Variants in FGD2 observed in about 807,000 individuals in gnomAD.
FGD2 encodes FYVE, RhoGEF and PH domain-containing protein 2.
Under a neutral mutation model 75.9 loss-of-function variants are expected in FGD2, and 52 were observed. That is an observed-to-expected ratio of 0.69 (90% CI 0.55 to 0.86). The LOEUF is 0.86. Ranked by LOEUF, FGD2 falls within the 40% of genes least tolerant of loss-of-function variation. The pLI, the probability that FGD2 is intolerant of heterozygous loss-of-function variation, is 0.00. For synonymous variants in FGD2, 347 were observed against 348.6 expected (o/e 1.00, Z 0.05); for missense variants, 790 against 872.0 (o/e 0.91, Z 1.18).
At position 37,027,912 on chromosome 6, in the gene FGD2, A is replaced by T. The variant is rs768199138; in HGVS notation, c.1753-36A>T. On this transcript the variant is annotated intron_variant, in intron 15 of 15. Transcript: ENST00000274963. The stretch of plus-strand genomic sequence containing the variant: ...GGCTATCTGGGGCAGTAGGACTGAG[A>T]GGGGACAGTGGCCCACTGCTCTCTC... 1.9e-6 allele frequency: 3 copies of T among 1,603,868 alleles called. 1 individual carries two copies. In the South Asian group the frequency reaches 3.3e-5, roughly 18 times the overall value.
At position 37,027,507 on chromosome 6, in the gene FGD2, G is replaced by A. The variant is rs1248808868; in HGVS notation, c.1684G>A (p.Gly562Ser). Residue 562 changes from glycine to serine, a missense_variant, in exon 15 of 16, where the codon GGC (glycine) becomes AGC (serine). Gly to Ser is a moderately conservative substitution (Grantham distance 56, BLOSUM62 0). Transcript: ENST00000274963. ...QLIGDKWGKS[G>S]PRGWCVIPRD... ...CATCGGGGACAAGTGGGGCAAGAGC[G>A]GCCCCCGGGGCTGGTGTGTGATCCC... is the stretch of plus-strand genomic sequence containing the variant. The A allele has an allele frequency of 7.4e-6, 12 of 1,613,978 alleles. No homozygotes were observed. The highest frequency in any genetic ancestry group is 1.3e-5 in the African/African-American group (1 of 74,938).
chr6:37,027,925 C>G, intron 15 of FGD2, 23 bp from the exon 16 acceptor site: 2 of 1,611,212 alleles, frequency 1.2e-6, no homozygotes, highest in Non-Finnish European at 1.7e-6. Flanking sequence ...GGACAGTGGC[C>G]CACTGCTCTC....
At chr6:37,006,010 C>T (rs1764731556) in intron 1 of FGD2, 125 bp downstream of exon 1, 7 of 1,067,148 alleles carry the variant, frequency 6.6e-6, no homozygotes, top group East Asian at 5.1e-5. Context: ...CCGCGTTCCT[C>T]GGTCACGGAT....
intron 13 of FGD2, chr6:37,023,639 G>A (rs1277876109): frequency 6.6e-6 from 1 of 152,224 alleles, no homozygotes; most frequent in Non-Finnish European, 1.5e-5. Context: ...CAGTCAGGGA[G>A]GTGTCCCCAA....
At position 37,028,124 on chromosome 6, in the gene FGD2, G is replaced by A. The variant is rs777282701; in HGVS notation, c.1929G>A (p.Trp643Ter). The change falls in exon 16 of 16, where the codon TGG becomes TGA. Residue 643 changes from tryptophan to a stop codon, truncating the protein, a stop_gained. Transcript: ENST00000274963. LOFTEE classifies it low-confidence loss of function (END_TRUNC). The part of the protein sequence containing the change: ...VKAMERAASG[W>*]SPSWPNDGDL... ...CCATGGAGCGGGCGGCCAGTGGCTG[G>A]AGCCCCAGCTGGCCCAACGATGGGG... 6.2e-7 allele frequency: 1 copy of A among 1,607,758 alleles called. No individual in the cohort carries two copies. Among genetic ancestry groups the A allele is most frequent in the Non-Finnish European group, 8.5e-7 (1 of 1,177,184 alleles).
intron 9 of FGD2, 148 bp downstream of exon 9, chr6:37,016,008 C>T (rs1047851323): frequency 1.3e-6 from 1 of 755,360 alleles, no homozygotes; most frequent in Non-Finnish European, 2.1e-6. Context: ...GTGTGGGGCT[C>T]TCCCCTCTGG....
chr6:37,013,471 C>G (rs1024772839), intron 4 of FGD2, 138 bp from the exon 5 acceptor site: 2 of 1,448,114 alleles, frequency 1.4e-6, no homozygotes, highest in Admixed American at 2.7e-5. Flanking sequence ...GAGGATGACA[C>G]CCCCGTACCC....
At chr6:37,016,534 ATTT>A (rs59713417) in intron 9 of FGD2, among the ~76,000 whole-genome samples, 6 of 136,750 alleles carry the variant, frequency 4.4e-5, no homozygotes, top group Non-Finnish European at 7.9e-5. Flanking sequence ...AATCTTCTGG[ATTT>A]TTTTTTTTTT....
At chr6:37,019,295 CA>C (rs1422638916) in intron 9 of FGD2, among the ~76,000 whole-genome samples, 2 of 152,202 alleles carry the variant, frequency 1.3e-5, no homozygotes, top group Non-Finnish European at 2.9e-5. Flanking sequence ...GGCTCTTTCC[CA>C]AATACCTCTT....
At chr6:37,011,922 C>A in intron 4 of FGD2, 68 bp downstream of exon 4, 5 of 1,556,558 alleles carry the variant, frequency 3.2e-6, no homozygotes, top group African/African-American at 1.4e-5. Context: ...GGGGAGACCC[C>A]AGGGCGCTAG....
At chr6:37,011,158 C>A in intron 3 of FGD2, 108 bp downstream of exon 3, 2 of 1,096,432 alleles carry the variant, frequency 1.8e-6, no homozygotes, top group Non-Finnish European at 2.7e-6. Context: ...GGAGCCCTGG[C>A]TTTGACTCCA....
At position 37,021,532 on chromosome 6, in the gene FGD2, C is replaced by A. The variant is rs143671027; in HGVS notation, c.1254C>A (p.Asp418Glu). ...SWMQAFQAAI[D>E]QIEKRNETFK... ...CCCAGGCCTTCCAAGCAGCCATTGA[C>A]CAAATCGAGAAGCGGAATGAAACCT... Residue 418 changes from aspartate to glutamate, a missense_variant, in exon 12 of 16, where the codon GAC becomes GAA. By Grantham distance (45) the Asp-to-Glu change is conservative. Coordinates refer to ENST00000274963, the MANE Select transcript of FGD2 (RefSeq NM_173558.4). 82 of 1,613,786 alleles carry A rather than the reference C, an allele frequency of 5.1e-5. No homozygotes were observed. The African/African-American group carries it at 7.3e-4, about 14-fold the overall frequency.
In FGD2 at chr6:37,021,597, A is replaced by G. The variant is rs1394101139; in HGVS notation, c.1319A>G (p.Glu440Gly). ...CAGGGGCCTGAGGGAGACATCCAGGAGCAGGAGGTAAATGAAGGCTTTTTC... is the reference window on the plus strand; with the variant it reads ...CAGGGGCCTGAGGGAGACATCCAGGGGCAGGAGGTAAATGAAGGCTTTTTC... ...AAQGPEGDIQ[E>G]QELQSEELGL... Residue 440 changes from glutamate to glycine, a missense_variant, in exon 12 of 16, where the codon GAG (glutamate) becomes GGG (glycine). Coordinates refer to ENST00000274963, the MANE Select transcript of FGD2 (RefSeq NM_173558.4). 6.2e-7 allele frequency: 1 copy of G among 1,613,732 alleles called. No homozygotes were observed. The highest frequency in any genetic ancestry group is 8.5e-7 in the Non-Finnish European group (1 of 1,179,784).
At chr6:37,020,302 A>G (rs1765512188) in intron 9 of FGD2, among the ~76,000 whole-genome samples, 1 of 130,940 alleles carries the variant, frequency 7.6e-6, no homozygotes. Context: ...ACACTGGGTC[A>G]ACTTAGCTGC....
chr6:37,010,696 G>T (rs1490661860), intron 2 of FGD2, among the ~76,000 whole-genome samples: 1 of 152,148 alleles, frequency 6.6e-6, no homozygotes, highest in East Asian at 1.9e-4. Flanking sequence ...TATCAGAGCT[G>T]CCAGACCCCT....
chr6:37,011,178 G>T (rs1753289), intron 3 of FGD2, 128 bp downstream of exon 3: 4 of 881,612 alleles, frequency 4.5e-6, no homozygotes, highest in Non-Finnish European at 7.3e-6. Context: ...AGGAAGCCTT[G>T]GCCCTTTAAC....
chr6:37,027,967 C>T lies in FGD2; in HGVS notation c.1772C>T (p.Ser591Phe). 1 of 1,614,042 alleles carries T rather than the reference C, an allele frequency of 6.2e-7. No individual in the cohort carries two copies. Among genetic ancestry groups the T allele is most frequent in the Non-Finnish European group, 8.5e-7 (1 of 1,180,000 alleles). Reference protein sequence around the residue: ...AAPQDMRAHTSIPLLGYQVTV... With the variant: ...AAPQDMRAHTFIPLLGYQVTV... ...CCCCAGGACATGAGGGCTCACACCT[C>T]CATCCCCCTGCTGGGCTACCAGGTG... Residue 591 changes from serine (S) to phenylalanine (F), a missense_variant, in exon 16 of 16, where the codon TCC (serine) becomes TTC (phenylalanine). Transcript: ENST00000274963.
At chr6:37,015,475 C>T (rs950891732) in intron 8 of FGD2, among the ~76,000 whole-genome samples, 1 of 152,214 alleles carries the variant, frequency 6.6e-6, no homozygotes, top group African/African-American at 2.4e-5. Context: ...CTTGTAAACC[C>T]CTGCCATCCT....
At chr6:37,008,796 C>T in intron 1 of FGD2, 38 bp from the exon 2 acceptor site, 1 of 1,505,866 alleles carries the variant, frequency 6.6e-7, no homozygotes. Context: ...TCCCTGTTCT[C>T]CAGGGAGGAA....
Sources: gnomAD v4.1 joint callset for allele counts (sites outside exome capture counted in the v4.1 genomes callset) on GRCh38, gnomAD v4.1.1 for gene constraint, MANE v1.5 for transcripts, NCBI Gene and HGNC (gene_info 2026-07-23, HGNC 2026-07-21) for gene names.